The following MB21D2 variants were observed in gnomAD, a reference collection of about 807,000 sequenced individuals.
MB21D2 encodes nucleotidyltransferase MB21D2.
A neutral mutation model predicts 33.3 loss-of-function variants in MB21D2; 9 were observed. That is an observed-to-expected ratio of 0.27 (90% CI 0.16 to 0.47). MB21D2 has a LOEUF of 0.47. MB21D2 is among the 20% of genes least tolerant of loss of function. The probability of loss-of-function intolerance (pLI) is 0.99; values close to 1 mark genes in which losing one functional copy is unlikely to be tolerated. For missense variants in MB21D2, 540 were observed against 624.6 expected (o/e 0.86, Z 1.44); for synonymous variants, 241 against 236.3 (o/e 1.02, Z -0.18).
chr3:192,910,581 A>C lies in MB21D2; in HGVS notation c.211+7049T>G, dbSNP rs540455696. Among the ~76,000 whole-genome samples, 15 of 152,362 alleles carry C rather than the reference A, an allele frequency of 9.8e-5. No individual in the cohort carries two copies. In the East Asian group the frequency reaches 1.2e-3, roughly 12 times the overall value. The stretch of plus-strand genomic sequence containing the variant: ...AAAGAAGCTAGGAAAACATCATTCT[A>C]CAAGTTTCAACTTATAGCTCCTCTT... On this transcript the variant is annotated intron_variant, in intron 1 of 1. Transcript: ENST00000392452.
chr3:192,811,918 T>C (rs771471124), intron 1 of MB21D2, among the ~76,000 whole-genome samples: 4 of 152,206 alleles, frequency 2.6e-5, no homozygotes, highest in Non-Finnish European at 5.9e-5. Flanking sequence ...TCTTTCAGCC[T>C]CTGTTGAGGA....
At chr3:192,873,750 T>C (rs1713369462) in intron 1 of MB21D2, among the ~76,000 whole-genome samples, 2 of 152,186 alleles carry the variant, frequency 1.3e-5, no homozygotes, top group East Asian at 1.9e-4. Context: ...GTCAACAGGC[T>C]GGAGTACAGT....
At chr3:192,901,867 T>C (rs1466420349) in intron 1 of MB21D2, among the ~76,000 whole-genome samples, 3 of 152,262 alleles carry the variant, frequency 2.0e-5, no homozygotes, top group Non-Finnish European at 4.4e-5. Flanking sequence ...AACTATGTCC[T>C]AATTAAATGT....
At position 192,884,045 on chromosome 3, in the gene MB21D2, A is replaced by G. The variant is rs190851053; in HGVS notation, c.211+33585T>C. 1.4e-3 allele frequency among the ~76,000 whole-genome samples: 216 copies of G among 152,202 alleles called. 3 individuals are homozygous for G. In the South Asian group the frequency reaches 0.018, roughly 13 times the overall value. Reference sequence around the variant, plus strand: ...TGTCACAGCAAAGTAGGTGAACATGAGTCAAAACCAGTTAGATTCACACAC... The same window carrying G: ...TGTCACAGCAAAGTAGGTGAACATGGGTCAAAACCAGTTAGATTCACACAC... On this transcript the variant is annotated intron_variant, in intron 1 of 1. Transcript: ENST00000392452.
intron 1 of MB21D2, among the ~76,000 whole-genome samples, chr3:192,830,629 A>C (rs964508027): frequency 6.6e-6 from 1 of 152,240 alleles, no homozygotes; most frequent in African/African-American, 2.4e-5. Context: ...AGGCAAGTAC[A>C]TCTTGAGAAG....
intron 1 of MB21D2, among the ~76,000 whole-genome samples, chr3:192,874,795 G>A (rs771786131): frequency 1.9e-4 from 29 of 152,162 alleles, no homozygotes; most frequent in Non-Finnish European, 3.4e-4. Flanking sequence ...TAAGCTTGGA[G>A]CATTTATTCT....
chr3:192,876,370 T>A (rs1241119192), intron 1 of MB21D2, among the ~76,000 whole-genome samples: 5 of 152,246 alleles, frequency 3.3e-5, no homozygotes, highest in African/African-American at 1.2e-4. Flanking sequence ...CACTTTGCCT[T>A]CTAATTATCT....
chr3:192,870,521 C>T (rs1418640959), intron 1 of MB21D2, among the ~76,000 whole-genome samples: 1 of 151,606 alleles, frequency 6.6e-6, no homozygotes, highest in African/African-American at 2.4e-5. Context: ...GAAACCCCAC[C>T]TTTACTAAAA....
intron 1 of MB21D2, among the ~76,000 whole-genome samples, chr3:192,913,480 C>T (rs1250884996): frequency 6.6e-6 from 1 of 152,148 alleles, no homozygotes; most frequent in African/African-American, 2.4e-5. Flanking sequence ...ATTTCACATT[C>T]TGACATAACA....
intron 1 of MB21D2, among the ~76,000 whole-genome samples, chr3:192,897,437 C>A (rs1042437143): frequency 6.6e-6 from 1 of 152,008 alleles, no homozygotes; most frequent in Non-Finnish European, 1.5e-5. Flanking sequence ...CAGTAACTTG[C>A]CATAAGATAG....
intron 1 of MB21D2, among the ~76,000 whole-genome samples, chr3:192,836,875 C>G (rs1315512740): frequency 6.6e-6 from 1 of 152,146 alleles, no homozygotes; most frequent in African/African-American, 2.4e-5. Flanking sequence ...CACACAGTTA[C>G]TTAGTGTCAG....
chr3:192,875,062 C>T (rs1713400622), intron 1 of MB21D2, among the ~76,000 whole-genome samples: 1 of 151,908 alleles, frequency 6.6e-6, no homozygotes, highest in Non-Finnish European at 1.5e-5. Context: ...TTGGGTGTGC[C>T]ACCTATCTTC....
At chr3:192,803,662 G>T (rs1711599067) in intron 1 of MB21D2, among the ~76,000 whole-genome samples, 1 of 152,212 alleles carries the variant, frequency 6.6e-6, no homozygotes, top group Admixed American at 6.5e-5. Context: ...CAGATGGGTT[G>T]CCATGCAACC....
intron 1 of MB21D2, among the ~76,000 whole-genome samples, chr3:192,899,160 C>T (rs945684489): frequency 6.6e-6 from 1 of 152,108 alleles, no homozygotes; most frequent in Non-Finnish European, 1.5e-5. Flanking sequence ...CATGGTAAAA[C>T]GGAAGTGGTT....
At chr3:192,847,566 C>T (rs572252713) in intron 1 of MB21D2, among the ~76,000 whole-genome samples, 2 of 152,282 alleles carry the variant, frequency 1.3e-5, no homozygotes, top group East Asian at 3.9e-4. Flanking sequence ...CTTTAACTTC[C>T]TTTGTTCTAC....
intron 1 of MB21D2, among the ~76,000 whole-genome samples, chr3:192,800,611 G>C (rs913614513): frequency 6.6e-6 from 1 of 152,094 alleles, no homozygotes; most frequent in Non-Finnish European, 1.5e-5. Flanking sequence ...CAACCTCTGA[G>C]CCATTAGAAA....
At chr3:192,802,940 GTAAC>G (rs983439291) in intron 1 of MB21D2, among the ~76,000 whole-genome samples, 4 of 152,168 alleles carry the variant, frequency 2.6e-5, no homozygotes, top group Non-Finnish European at 5.9e-5. Flanking sequence ...CCTCTTAGGC[GTAAC>G]TAACTCAAAA....
At chr3:192,886,579 G>C (rs1265256739) in intron 1 of MB21D2, among the ~76,000 whole-genome samples, 1 of 152,018 alleles carries the variant, frequency 6.6e-6, no homozygotes, top group Non-Finnish European at 1.5e-5. Context: ...TTAGAGAGAT[G>C]ACTACTATCC....
intron 1 of MB21D2, among the ~76,000 whole-genome samples, chr3:192,814,819 T>G (rs961121471): frequency 6.6e-6 from 1 of 150,656 alleles, no homozygotes; most frequent in African/African-American, 2.4e-5. Context: ...GAGCTGAGAT[T>G]GTGCCACTGC....
Sources: gnomAD v4.1 joint callset for allele counts (sites outside exome capture counted in the v4.1 genomes callset) on GRCh38, gnomAD v4.1.1 for gene constraint, MANE v1.5 for transcripts, NCBI Gene and HGNC (gene_info 2026-07-23, HGNC 2026-07-21) for gene names.